The following NPSR1 variants were observed in gnomAD, a reference collection of about 807,000 sequenced individuals.
NPSR1 encodes neuropeptide S receptor.
NPSR1 carries 48 observed loss-of-function variants against 46.9 expected under a neutral mutation model. The observed-to-expected ratio is 1.02, with a 90% CI of 0.81 to 1.30. The LOEUF is 1.30. Among genes scored for constraint, NPSR1 ranks in the 50% most tolerant of loss-of-function variants. The probability of loss-of-function intolerance (pLI) is 0.00; values close to 1 mark genes in which losing one functional copy is unlikely to be tolerated. For missense variants in NPSR1, 450 were observed against 449.5 expected (o/e 1.00, Z -0.01); for synonymous variants, 176 against 168.1 (o/e 1.05, Z -0.36).
rs748868874 is a variant in NPSR1 at position 34,658,376 on chromosome 7, A to G, written c.-37A>G. 1 of 1,609,750 alleles carries G rather than the reference A, an allele frequency of 6.2e-7. No homozygotes were observed. Among genetic ancestry groups the G allele is most frequent in the Non-Finnish European group, 8.5e-7 (1 of 1,178,084 alleles). ...AAGCTGGACTCCCTCACTCAGCTGC[A>G]GGAGCAAGGACAGTGAGGCTCAACC... On this transcript the variant is annotated 5_prime_UTR_variant, in exon 1 of 9. Coordinates refer to ENST00000360581, the MANE Select transcript of NPSR1 (RefSeq NM_207172.2).
At chr7:34,761,188 A>C (rs1786156562) in intron 2 of NPSR1, 1 of 152,622 alleles carries the variant, frequency 6.6e-6, no homozygotes, top group Non-Finnish European at 1.5e-5. Flanking sequence ...GGGAGAAGTC[A>C]CTCCTGTGAA....
In NPSR1 at chr7:34,798,427, C is replaced by T. The variant is rs34849760; in HGVS notation, c.385-13343C>T. On this transcript the variant is annotated intron_variant, in intron 3 of 8. Transcript: ENST00000360581. ...GCACGCACCTGTAATCCCAGCTACT[C>T]GGGAGGCTGAAGCAGGAGAATCTCT... 6.4e-3 allele frequency among the ~76,000 whole-genome samples: 975 copies of T among 152,026 alleles called. 5 individuals are homozygous for T. The highest frequency in any genetic ancestry group is 0.011 in the Non-Finnish European group (776 of 67,992).
intron 4 of NPSR1, among the ~76,000 whole-genome samples, chr7:34,818,414 A>G (rs1311794633): frequency 1.3e-5 from 2 of 152,200 alleles, no homozygotes; most frequent in Non-Finnish European, 2.9e-5. Context: ...CAAGGAAATA[A>G]AAGAGGACAC....
intron 3 of NPSR1, among the ~76,000 whole-genome samples, chr7:34,782,070 G>A (rs143285505): frequency 3.9e-5 from 6 of 152,262 alleles, no homozygotes; most frequent in Non-Finnish European, 8.8e-5. Context: ...AGAAAGCTAC[G>A]CCTTGCCCCA....
In NPSR1 at chr7:34,658,433, G is replaced by A; in HGVS notation, c.21G>A (p.Glu7=). The A allele has an allele frequency of 6.2e-7, 1 of 1,614,122 alleles. No homozygotes were observed. The highest frequency in any genetic ancestry group is 1.1e-5 in the South Asian group (1 of 91,082). Reference sequence around the variant, plus strand: ...GAGCCATGCCAGCCAACTTCACAGAGGGCAGCTTCGATTCCAGTGGGACCG... The same window carrying A: ...GAGCCATGCCAGCCAACTTCACAGAAGGCAGCTTCGATTCCAGTGGGACCG... MPANFT[E]GSFDSSGTGQ... is the part of the protein sequence containing the mutation. Residue 7 remains glutamate (E), a synonymous_variant, in exon 1 of 9, where the codon GAG becomes GAA. Coordinates refer to ENST00000360581, the MANE Select transcript of NPSR1 (RefSeq NM_207172.2).
chr7:34,710,330 A>G (rs902504877), intron 2 of NPSR1, among the ~76,000 whole-genome samples: 8 of 152,232 alleles, frequency 5.3e-5, no homozygotes, highest in Admixed American at 5.2e-4. Context: ...CCCTTTAGGG[A>G]AGAAAGCAGA....
intron 2 of NPSR1, chr7:34,751,517 C>A: frequency 6.7e-7 from 1 of 1,498,922 alleles, no homozygotes; most frequent in East Asian, 2.3e-5. Flanking sequence ...AGCCCCAGCT[C>A]CTCCTCCATA....
intron 2 of NPSR1, chr7:34,752,034 T>G (rs1467882603): frequency 1.4e-5 from 10 of 725,344 alleles, no homozygotes; most frequent in Non-Finnish European, 2.3e-5. Flanking sequence ...CCGGTAGTCC[T>G]GTGGAAACTT....
intron 8 of NPSR1, among the ~76,000 whole-genome samples, chr7:34,864,618 T>C (rs999123297): frequency 1.3e-5 from 2 of 151,886 alleles, no homozygotes; most frequent in African/African-American, 4.9e-5. Flanking sequence ...CAATTTCTTA[T>C]CCAACTGCTT....
chr7:34,839,974 G>A (rs1790507212), intron 6 of NPSR1, among the ~76,000 whole-genome samples: 1 of 152,130 alleles, frequency 6.6e-6, no homozygotes, highest in Non-Finnish European at 1.5e-5. Context: ...AAACAGGAAT[G>A]GGTTTTGTGA....
intron 2 of NPSR1, among the ~76,000 whole-genome samples, chr7:34,747,129 C>CAAAAAAAAA (rs5883471): frequency 2.2e-4 from 24 of 106,752 alleles, no homozygotes; most frequent in South Asian, 5.6e-4. Flanking sequence ...ACCAAAAAAA[C>CAAAAAAAAA]AAAAAAAAAA....
At chr7:34,747,020 G>A (rs1453819044) in intron 2 of NPSR1, among the ~76,000 whole-genome samples, 1 of 151,642 alleles carries the variant, frequency 6.6e-6, no homozygotes, top group East Asian at 1.9e-4. Context: ...AGCTACTCAG[G>A]AGACTGAGGC....
At chr7:34,784,193 G>T (rs891908650) in intron 3 of NPSR1, among the ~76,000 whole-genome samples, 5 of 152,148 alleles carry the variant, frequency 3.3e-5, no homozygotes, top group South Asian at 2.1e-4. Flanking sequence ...CCTGCCTAAT[G>T]GCCCTGGCCA....
chr7:34,796,625 T>C (rs1412904174), intron 3 of NPSR1, among the ~76,000 whole-genome samples: 1 of 152,166 alleles, frequency 6.6e-6, no homozygotes, highest in African/African-American at 2.4e-5. Context: ...ATTAAAACAA[T>C]GATATAGCAC....
At chr7:34,743,261 C>T (rs905162533) in intron 2 of NPSR1, among the ~76,000 whole-genome samples, 2 of 152,104 alleles carry the variant, frequency 1.3e-5, no homozygotes, top group Non-Finnish European at 2.9e-5. Flanking sequence ...ACGTTGTCTT[C>T]CGGGTTTTTA....
chr7:34,865,704 C>T (rs188559824), intron 8 of NPSR1, among the ~76,000 whole-genome samples: 1 of 151,848 alleles, frequency 6.6e-6, no homozygotes, highest in African/African-American at 2.4e-5. Flanking sequence ...AGGGGCACTA[C>T]ATTTCTCTCT....
intron 5 of NPSR1, among the ~76,000 whole-genome samples, chr7:34,828,279 G>A (rs781531219): frequency 7.2e-5 from 11 of 152,200 alleles, no homozygotes; most frequent in Non-Finnish European, 1.6e-4. Flanking sequence ...AGAGTGGACA[G>A]GTACACAGTG....
intron 1 of NPSR1, among the ~76,000 whole-genome samples, chr7:34,674,669 A>C (rs1168768987): frequency 1.3e-5 from 2 of 152,206 alleles, no homozygotes; most frequent in East Asian, 3.9e-4. Flanking sequence ...CATCACATAC[A>C]TAACAACCTT....
intron 2 of NPSR1, among the ~76,000 whole-genome samples, chr7:34,730,022 T>A (rs777787062): frequency 6.6e-6 from 1 of 152,190 alleles, no homozygotes; most frequent in African/African-American, 2.4e-5. Context: ...GATCTGAGTG[T>A]CATGGCCTCC....
Sources: gnomAD v4.1 joint callset for allele counts (sites outside exome capture counted in the v4.1 genomes callset) on GRCh38, gnomAD v4.1.1 for gene constraint, MANE v1.5 for transcripts, NCBI Gene and HGNC (gene_info 2026-07-23, HGNC 2026-07-21) for gene names.